NRXN3: variants seen among roughly 807,000 people sequenced by gnomAD.
NRXN3 encodes neurexin III.
A neutral mutation model predicts 137.6 loss-of-function variants in NRXN3; 32 were observed. The observed-to-expected ratio is 0.23, with a 90% CI of 0.18 to 0.31. The LOEUF (loss-of-function observed/expected upper bound fraction) is 0.31. Ranked by LOEUF, NRXN3 falls within the 10% of genes least tolerant of loss-of-function variation. The pLI is 1.00. For synonymous variants in NRXN3, 798 were observed against 784.5 expected, an observed-to-expected ratio of 1.02 and a Z score of -0.29; for missense variants, 1,574 against 2,062.5, an observed-to-expected ratio of 0.76 and a Z score of 4.59.
At chr14:79,374,986 A>G (rs895776309) in intron 15 of NRXN3, among the ~76,000 whole-genome samples, 9 of 152,172 alleles carry the variant, frequency 5.9e-5, no homozygotes, top group African/African-American at 2.2e-4. Flanking sequence ...TACATGTATC[A>G]AGTATTTATT....
At chr14:78,494,421 G>GGA (rs1555567350) in intron 4 of NRXN3, among the ~76,000 whole-genome samples, 2 of 132,442 alleles carry the variant, frequency 1.5e-5, no homozygotes, top group African/African-American at 2.6e-5. Context: ...TACCAGAGGT[G>GGA]TTTTGTTTTT....
Position 78,714,752 on chromosome 14 carries a change from C to G in NRXN3, c.1661-4C>G, listed in dbSNP as rs1337882574. 1.2e-6 allele frequency: 2 copies of G among 1,610,906 alleles called. No individual in the cohort carries two copies. Among genetic ancestry groups the G allele is most frequent in the African/African-American group, 2.7e-5 (2 of 74,868 alleles). On this transcript the variant is annotated splice_polypyrimidine_tract_variant and splice_region_variant and intron_variant, in intron 7 of 20. Coordinates refer to ENST00000335750, the MANE Select transcript of NRXN3 (RefSeq NM_001330195.2). The stretch of plus-strand genomic sequence containing the variant: ...CTCACCTGAGATCTGTCTTCCCACC[C>G]CAGGTACTATATCAGTGAACAGCAG...
intron 15 of NRXN3, among the ~76,000 whole-genome samples, chr14:79,440,298 TTACCTTCTA>T (rs1331566813): frequency 6.6e-6 from 1 of 152,220 alleles, no homozygotes; most frequent in Non-Finnish European, 1.5e-5. Flanking sequence ...TAAAAGCCCT[TTACCTTCTA>T]TACCTCAGTT....
intron 4 of NRXN3, among the ~76,000 whole-genome samples, chr14:78,484,021 CACACACAGAG>C (rs1316052466): frequency 1.9e-4 from 19 of 99,282 alleles, no homozygotes; most frequent in African/African-American, 5.1e-4. Context: ...CACACACACA[CACACACAGAG>C]AGAGAGAGAG....
At chr14:79,701,499 C>G (rs180854225) in intron 19 of NRXN3, among the ~76,000 whole-genome samples, 7 of 152,062 alleles carry the variant, frequency 4.6e-5, no homozygotes, top group Admixed American at 4.6e-4. Flanking sequence ...CTCAGCAGGG[C>G]CCTTTTCCCT....
At chr14:78,309,906 A>G (rs1355195609) in intron 4 of NRXN3, among the ~76,000 whole-genome samples, 3 of 152,034 alleles carry the variant, frequency 2.0e-5, no homozygotes, top group Admixed American at 2.0e-4. Context: ...TTCTATTTTG[A>G]TTGGGAATAG....
At chr14:79,586,627 G>A (rs1421296625) in intron 16 of NRXN3, among the ~76,000 whole-genome samples, 1 of 152,058 alleles carries the variant, frequency 6.6e-6, no homozygotes, top group East Asian at 1.9e-4. Context: ...GAGCCACCGC[G>A]CCAGGCCCTA....
Position 79,861,466 on chromosome 14 carries a change from C to G in NRXN3, c.4218C>G (p.Ser1406=). ...ETSRTTTTSL[S]PELIRFTASS... ...GTAGGACTACTACCACATCTTTATC[C>G]CCTGAGCTGATCCGCTTCACAGCTT... The change falls in exon 21 of 21, where the codon TCC becomes TCG. Residue 1406 remains serine (S), a synonymous_variant. Transcript: ENST00000335750. This position sits in a 1 kb window ranked among gnomAD's most constrained non-coding sequence, Gnocchi z 5.4. 2 of 1,537,102 alleles carry G rather than the reference C, an allele frequency of 1.3e-6. No individual in the cohort carries two copies. Among genetic ancestry groups the G allele is most frequent in the Non-Finnish European group, 1.7e-6 (2 of 1,147,056 alleles).
At chr14:79,338,192 C>T (rs2092384521) in intron 15 of NRXN3, among the ~76,000 whole-genome samples, 1 of 144,146 alleles carries the variant, frequency 6.9e-6, no homozygotes, top group Non-Finnish European at 1.5e-5. Context: ...GCCCAGGCAG[C>T]CGGGGTGTGT....
chr14:78,562,321 C>A lies in NRXN3; in HGVS notation c.758-82799C>A, dbSNP rs374066573. On this transcript the variant is annotated intron_variant, in intron 4 of 20. Coordinates refer to ENST00000335750, the MANE Select transcript of NRXN3 (RefSeq NM_001330195.2). ...CTGAGGCAGAGGAATCGCTTGAACCCAGAAGGCGGAGGTTTCAGTGACCCA... is the reference window on the plus strand; with the variant it reads ...CTGAGGCAGAGGAATCGCTTGAACCAAGAAGGCGGAGGTTTCAGTGACCCA... Among the ~76,000 whole-genome samples, 11 of 148,018 alleles carry A rather than the reference C, an allele frequency of 7.4e-5. No homozygotes were observed. In the East Asian group the frequency reaches 2.2e-3, roughly 30 times the overall value.
intron 6 of NRXN3, among the ~76,000 whole-genome samples, chr14:78,672,265 A>C (rs190821113): frequency 2.0e-5 from 3 of 152,324 alleles, no homozygotes. Flanking sequence ...ACTCAACCAA[A>C]TTACTCTTAA....
chr14:78,384,795 G>A (rs1419365067), intron 4 of NRXN3, among the ~76,000 whole-genome samples: 1 of 152,116 alleles, frequency 6.6e-6, no homozygotes, highest in East Asian at 1.9e-4. Context: ...AATCGCTCAG[G>A]TCTCTTTCAA....
chr14:79,843,609 G>A (rs2099360794), intron 20 of NRXN3, among the ~76,000 whole-genome samples: 1 of 152,092 alleles, frequency 6.6e-6, no homozygotes, highest in Non-Finnish European at 1.5e-5. Context: ...CTCAAACTGT[G>A]CCTCTATCAA....
intron 2 of NRXN3, among the ~76,000 whole-genome samples, chr14:78,248,106 C>A (rs1385433968): frequency 2.0e-5 from 3 of 152,188 alleles, no homozygotes; most frequent in African/African-American, 7.2e-5. Flanking sequence ...AAGTTGATTA[C>A]TTGTCTTCTG....
intron 19 of NRXN3, among the ~76,000 whole-genome samples, chr14:79,758,869 G>C (rs966279323): frequency 6.6e-6 from 1 of 152,168 alleles, no homozygotes; most frequent in Non-Finnish European, 1.5e-5. Flanking sequence ...AGCATGGGTT[G>C]CCAAGCTACA....
chr14:78,299,604 T>C (rs2076683466), intron 4 of NRXN3, among the ~76,000 whole-genome samples: 1 of 151,846 alleles, frequency 6.6e-6, no homozygotes, highest in Non-Finnish European at 1.5e-5. Context: ...TAGGGCAGAG[T>C]GTGGCAAATG....
Position 79,628,985 on chromosome 14 carries a change from G to T in NRXN3, c.3445-34793G>T, listed in dbSNP as rs11845389. The stretch of plus-strand genomic sequence containing the variant: ...TATGTTTTGATTTTATTCAGTGATT[G>T]TTCAAACTAGATCCGTTTCTCTACC... On this transcript the variant is annotated intron_variant, in intron 16 of 20. Coordinates refer to ENST00000335750, the MANE Select transcript of NRXN3 (RefSeq NM_001330195.2). 9.0e-3 allele frequency among the ~76,000 whole-genome samples: 1,374 copies of T among 152,220 alleles called. 19 individuals are homozygous for T. Among genetic ancestry groups the T allele is most frequent in the African/African-American group, 0.032 (1,314 of 41,528 alleles).
chr14:79,421,317 T>A (rs1475162284), intron 15 of NRXN3, among the ~76,000 whole-genome samples: 1 of 152,200 alleles, frequency 6.6e-6, no homozygotes, highest in African/African-American at 2.4e-5. Context: ...GTGCTATTGA[T>A]AAAATTTATG....
intron 16 of NRXN3, among the ~76,000 whole-genome samples, chr14:79,482,107 A>C (rs544745619): frequency 6.6e-6 from 1 of 152,358 alleles, no homozygotes; most frequent in East Asian, 1.9e-4. Flanking sequence ...CCTGCATCTT[A>C]GCATAATTCA....
Sources: allele counts gnomAD v4.1 joint callset (sites outside exome capture counted in the v4.1 genomes callset), GRCh38; gene constraint gnomAD v4.1.1; non-coding constraint Gnocchi (gnomAD v3.1); transcripts MANE v1.5; gene names NCBI Gene and HGNC (gene_info 2026-07-23, HGNC 2026-07-21).